SSC5D: variants seen among roughly 807,000 people sequenced by gnomAD.
SSC5D encodes scavenger receptor cysteine rich family member with 5 domains.
In SSC5D, 106 loss-of-function variants were observed where a neutral mutation model predicts 104.6. The observed-to-expected ratio is 1.01, with a 90% CI of 0.87 to 1.19. SSC5D has a LOEUF of 1.19. SSC5D is among the 50% of genes most tolerant of loss of function. SSC5D has a pLI of 0.00. For synonymous variants in SSC5D, 860 were observed against 883.5 expected, an observed-to-expected ratio of 0.97 and a Z score of 0.47; for missense variants, 1,993 against 2,153.8, an observed-to-expected ratio of 0.93 and a Z score of 1.48.
rs1346915642 is a variant in SSC5D at position 55,503,210 on chromosome 19, G to A, written c.2785+2009G>A. On this transcript the variant is annotated intron_variant, in intron 12 of 13. Coordinates refer to ENST00000389623, the MANE Select transcript of SSC5D (RefSeq NM_001144950.2). This position sits in a 1 kb window ranked among gnomAD's most constrained non-coding sequence, Gnocchi z 4.0. Reference sequence around the variant, plus strand: ...CTTGCTGCGGCCTCCCAAAGTGCTGGAATTGCAGGCGGGAGCCACTGGGCC... The same window carrying A: ...CTTGCTGCGGCCTCCCAAAGTGCTGAAATTGCAGGCGGGAGCCACTGGGCC... Among the ~76,000 whole-genome samples the A allele has an allele frequency of 1.3e-5, 2 of 152,152 alleles. No individual in the cohort carries two copies. Among genetic ancestry groups the A allele is most frequent in the Non-Finnish European group, 2.9e-5 (2 of 68,044 alleles).
At chr19:55,494,897 G>C in intron 8 of SSC5D, 114 bp downstream of exon 8, 1 of 1,243,302 alleles carries the variant, frequency 8.0e-7, no homozygotes, top group South Asian at 1.7e-5. Context: ...GAGAAGAGGA[G>C]CACAGGGGCC....
intron 12 of SSC5D, among the ~76,000 whole-genome samples, chr19:55,504,789 G>A (rs114790702): frequency 4.6e-5 from 7 of 152,088 alleles, no homozygotes; most frequent in Admixed American, 1.3e-4. Flanking sequence ...GAGCCACCGC[G>A]CCCGGCCACC....
At chr19:55,499,408 C>T (rs1055654939) in intron 9 of SSC5D, among the ~76,000 whole-genome samples, 2 of 152,152 alleles carry the variant, frequency 1.3e-5, no homozygotes, top group Non-Finnish European at 2.9e-5. Flanking sequence ...ATTCTGAGTT[C>T]GGGAGTGGCC....
rs1435276089 is a variant in SSC5D at position 55,518,437 on chromosome 19, A to G, written c.4161A>G (p.Pro1387=). ...AGATACCCACCTTAGAGCCCTCTCC[A>G]GCCTTGGAGTCCAGCCCCTCCAGGT... ...TSQIPTLEPS[P]ALESSPSRSS... The change falls in exon 14 of 14, where the codon CCA becomes CCG. Residue 1387 remains proline (P), a synonymous_variant. Transcript: ENST00000389623. The G allele has an allele frequency of 6.4e-7, 1 of 1,550,912 alleles. No individual in the cohort carries two copies. The highest frequency in any genetic ancestry group is 1.4e-5 in the African/African-American group (1 of 72,896).
chr19:55,501,754 G>C (rs540220621), intron 12 of SSC5D, among the ~76,000 whole-genome samples: 4 of 152,170 alleles, frequency 2.6e-5, no homozygotes, highest in East Asian at 1.9e-4. Flanking sequence ...TCCACACCTG[G>C]GACCACGCCC....
chr19:55,493,823 G>C lies in SSC5D; in HGVS notation c.1124G>C (p.Gly375Ala), dbSNP rs1476408379. 5 of 1,549,506 alleles carry C rather than the reference G, an allele frequency of 3.2e-6. No homozygotes were observed. The East Asian group carries it at 1.2e-4, about 38-fold the overall frequency. Residue 375 changes from glycine (G) to alanine (A), a missense_variant, in exon 7 of 14, where the codon GGA becomes GCA. This residue lies in a region of SSC5D where 1,101 missense variants were observed against 1,085.0 expected (regional missense o/e 1.01). Transcript: ENST00000389623. ...ATCCTGGACGACCTTCGGTGTCGGG[G>C]AAACGAGACGGCCTTACGATTCTGC... is the stretch of plus-strand genomic sequence containing the variant. Reference protein sequence around the residue: ...PIILDDLRCRGNETALRFCPA... With the variant: ...PIILDDLRCRANETALRFCPA...
chr19:55,493,467 T>G, intron 6 of SSC5D, 128 bp from the exon 7 acceptor site: 40 of 822,270 alleles, frequency 4.9e-5, no homozygotes, highest in Non-Finnish European at 6.1e-5. Context: ...CTTTTCCTCA[T>G]TTGGATAGTG....
At position 55,518,130 on chromosome 19, in the gene SSC5D, CGA is replaced by C. The variant is rs2123462564; in HGVS notation, c.3855_3856del (p.Thr1286SerfsTer20). The C allele has an allele frequency of 2.1e-6, 3 of 1,424,072 alleles. No individual in the cohort carries two copies. The highest frequency in any genetic ancestry group is 5.7e-5 in the East Asian group (2 of 34,906). The allele number at this position is 1,424,072 out of a possible 1,614,324, so 88.2% of individuals were successfully genotyped here. A position where few individuals can be genotyped will look rare whatever the true frequency, so the allele number is the denominator to read the frequency against. On this transcript the variant is annotated frameshift_variant, in exon 14 of 14. Coordinates refer to ENST00000389623, the MANE Select transcript of SSC5D (RefSeq NM_001144950.2). LOFTEE classifies it low-confidence loss of function (END_TRUNC). ...CCCACCACGACCCCTCACCCCACCA[CGA>C]CTCCTCACCCCACCACAACCCCTCA... is the stretch of plus-strand genomic sequence containing the variant.
chr19:55,490,378 C>T lies in SSC5D; in HGVS notation c.556C>T (p.Pro186Ser). Residue 186 changes from proline to serine, a missense_variant, in exon 5 of 14, where the codon CCT becomes TCT. Around this residue, in one of 6 missense-constraint regions of SSC5D, gnomAD observed 1,101 missense variants for 1,085.0 expected, o/e 1.01. Transcript: ENST00000389623. Reference sequence around the variant, plus strand: ...CAAGCAGGCCAAGTCCACCCGGGCCCCTCTGCTGACGACAGGAGCCCCCCG... The same window carrying T: ...CAAGCAGGCCAAGTCCACCCGGGCCTCTCTGCTGACGACAGGAGCCCCCCG... Reference protein sequence around the residue: ...RPKQAKSTRAPLLTTGAPRQE... With the variant: ...RPKQAKSTRASLLTTGAPRQE... 1 of 1,509,936 alleles carries T rather than the reference C, an allele frequency of 6.6e-7. No individual in the cohort carries two copies. Among genetic ancestry groups the T allele is most frequent in the African/African-American group, 1.4e-5 (1 of 71,616 alleles). 93.5% of individuals were successfully genotyped at this position (1,509,936 alleles called of 1,614,324 possible).
At position 55,490,321 on chromosome 19, in the gene SSC5D, C is replaced by T; in HGVS notation, c.499C>T (p.Gln167Ter). Reference sequence around the variant, plus strand: ...AGCCCCCCGCCCAGCTGGGAACCCCCAGAACGCCTCCCGGAAGAAGAGCCC... The same window carrying T: ...AGCCCCCCGCCCAGCTGGGAACCCCTAGAACGCCTCCCGGAAGAAGAGCCC... ...THAPRPAGNP[Q>*]NASRKKSPRP... Residue 167 changes from glutamine (Q) to a stop codon, truncating the protein, a stop_gained, in exon 5 of 14, where the codon CAG becomes TAG. Transcript: ENST00000389623. LOFTEE classifies it high-confidence loss of function. 1 of 1,446,808 alleles carries T rather than the reference C, an allele frequency of 6.9e-7. No homozygotes were observed. The highest frequency in any genetic ancestry group is 9.5e-7 in the Non-Finnish European group (1 of 1,055,806). 89.6% of individuals were successfully genotyped at this position (1,446,808 alleles called of 1,614,324 possible).
At position 55,518,979 on chromosome 19, in the gene SSC5D, C is replaced by T. The variant is rs762940999; in HGVS notation, c.4703C>T (p.Pro1568Leu). Residue 1568 changes from proline to leucine, a missense_variant, in exon 14 of 14, where the codon CCC (proline) becomes CTC (leucine). This residue lies in a region of SSC5D where 349 missense variants were observed against 397.6 expected (regional missense o/e 0.88). Transcript: ENST00000389623. ...TTTTPEEEER[P>L]LRGDV ...ACTACCCCAGAGGAAGAAGAAAGAC[C>T]CCTGAGGGGAGACGTGTGACCCTCT... 1 of 1,550,380 alleles carries T rather than the reference C, an allele frequency of 6.5e-7. No individual in the cohort carries two copies.
intron 13 of SSC5D, among the ~76,000 whole-genome samples, chr19:55,515,727 G>T (rs4801327): frequency 0.29 from 19,546 of 68,092 alleles, 1,871 homozygotes; most frequent in African/African-American, 0.43. Context: ...GTGAGACTCC[G>T]TCTCAAAAAA....
chr19:55,515,120 A>G (rs1418883640), intron 13 of SSC5D, among the ~76,000 whole-genome samples: 1 of 152,124 alleles, frequency 6.6e-6, no homozygotes, highest in Non-Finnish European at 1.5e-5. Flanking sequence ...AGCACCGGGC[A>G]TGGTGGCTCA....
intron 9 of SSC5D, 49 bp from the exon 10 acceptor site, chr19:55,499,767 T>A: frequency 6.9e-7 from 1 of 1,447,178 alleles, no homozygotes; most frequent in Non-Finnish European, 9.4e-7. Flanking sequence ...TAGATGATCT[T>A]GTCATCATGG....
At chr19:55,504,751 C>T (rs575856754) in intron 12 of SSC5D, among the ~76,000 whole-genome samples, 1 of 152,260 alleles carries the variant, frequency 6.6e-6, no homozygotes, top group Non-Finnish European at 1.5e-5. Flanking sequence ...CTCGCCTTGG[C>T]CTCCCGAAGT....
At position 55,490,414 on chromosome 19, in the gene SSC5D, CT is replaced by C; in HGVS notation, c.586+7del. The C allele has an allele frequency of 8.7e-7, 1 of 1,148,534 alleles. No homozygotes were observed. The highest frequency in any genetic ancestry group is 1.2e-6 in the Non-Finnish European group (1 of 814,796). The allele number at this position is 1,148,534 out of a possible 1,614,324, so 71.1% of individuals were successfully genotyped here. ...GACAGGAGCCCCCCGCCAAGGTAAG[CT>C]CCCTGCAGGCTCCCCCGACCCCAAG... is the stretch of plus-strand genomic sequence containing the variant. On this transcript the variant is annotated splice_region_variant and intron_variant, in intron 5 of 13. Transcript: ENST00000389623.
At chr19:55,508,407 C>T (rs1048913917) in intron 12 of SSC5D, among the ~76,000 whole-genome samples, 2 of 152,092 alleles carry the variant, frequency 1.3e-5, no homozygotes, top group African/African-American at 4.8e-5. Context: ...TCTCCATGGG[C>T]CAGGCGCTGT....
intron 4 of SSC5D, 27 bp downstream of exon 4, chr19:55,490,022 C>G: frequency 1.3e-6 from 2 of 1,505,044 alleles, no homozygotes; most frequent in Non-Finnish European, 1.8e-6. Context: ...GCCCTGCCAA[C>G]CCCCACCCAG....
intron 13 of SSC5D, among the ~76,000 whole-genome samples, chr19:55,515,706 T>C (rs2123459681): frequency 6.8e-6 from 1 of 146,004 alleles, no homozygotes; most frequent in Admixed American, 7.0e-5. Context: ...CACTCTAACC[T>C]GGGCGACAGA....
Sources: allele counts gnomAD v4.1 joint callset (sites outside exome capture counted in the v4.1 genomes callset), GRCh38; gene constraint gnomAD v4.1.1; regional missense constraint gnomAD v4.1.1; non-coding constraint Gnocchi (gnomAD v3.1); transcripts MANE v1.5; gene names NCBI Gene and HGNC (gene_info 2026-07-23, HGNC 2026-07-21).